Variants in CTDSPL observed in about 807,000 individuals in gnomAD.
The protein encoded by CTDSPL is CTD small phosphatase-like protein.
CTDSPL carries 8 observed loss-of-function variants against 30.5 expected under a neutral mutation model. The observed-to-expected ratio is 0.26, with a 90% CI of 0.15 to 0.47. The LOEUF is 0.47. CTDSPL is among the 20% of genes least tolerant of loss of function. CTDSPL has a pLI of 0.99. For missense variants in CTDSPL, 248 were observed against 366.1 expected (o/e 0.68, Z 2.63); for synonymous variants, 110 against 137.9 (o/e 0.80, Z 1.42).
intron 1 of CTDSPL, among the ~76,000 whole-genome samples, chr3:37,938,347 A>G (rs1048562790): frequency 6.7e-6 from 1 of 150,302 alleles, no homozygotes; most frequent in Non-Finnish European, 1.5e-5. Flanking sequence ...AATCTAAACC[A>G]GATCAGAATG....
At chr3:37,914,247 A>G (rs1658809659) in intron 1 of CTDSPL, among the ~76,000 whole-genome samples, 2 of 152,196 alleles carry the variant, frequency 1.3e-5, no homozygotes, top group Non-Finnish European at 2.9e-5. Flanking sequence ...TATATTTTCA[A>G]GCTATATATC....
At position 37,927,636 on chromosome 3, in the gene CTDSPL, ATGTGTG is replaced by A. The variant is rs71094932; in HGVS notation, c.80-19383_80-19378del. ...TTAATTGTGGTTAAAAGAAAAATATATGTGTGTGTGTGTGTGTGTGTGTGTGTGTGT... is the reference window on the plus strand; with the variant it reads ...TTAATTGTGGTTAAAAGAAAAATATATGTGTGTGTGTGTGTGTGTGTGTGT... On this transcript the variant is annotated intron_variant, in intron 1 of 7. Transcript: ENST00000273179. Among the ~76,000 whole-genome samples, 740 of 115,752 alleles carry A rather than the reference ATGTGTG, an allele frequency of 6.4e-3. 2 individuals are homozygous for A. The highest frequency in any genetic ancestry group is 0.012 in the East Asian group (54 of 4,338). The allele number at this position is 115,752 out of a possible 152,430, so 75.9% of individuals were successfully genotyped here.
At chr3:37,966,143 T>C (rs957811758) in intron 4 of CTDSPL, among the ~76,000 whole-genome samples, 2 of 152,208 alleles carry the variant, frequency 1.3e-5, no homozygotes, top group African/African-American at 4.8e-5. Flanking sequence ...GATTCCTGGC[T>C]CCAAAGGCAA....
Position 37,983,871 on chromosome 3 carries a change from G to A in CTDSPL, c.*3004G>A, listed in dbSNP as rs1021845252. ...TTGATGGTGAGGAAGCTCCTTTGAC[G>A]TGGTGCAATTTTGATGAGATGTCTC... On this transcript the variant is annotated 3_prime_UTR_variant, in exon 8 of 8. Transcript: ENST00000273179. The A allele has an allele frequency of 5.1e-5, 9 of 175,316 alleles. No homozygotes were observed. The highest frequency in any genetic ancestry group is 2.6e-4 in the South Asian group (2 of 7,558). The allele number at this position is 175,316 out of a possible 1,614,324, so 10.9% of individuals were successfully genotyped here.
At chr3:37,880,053 AG>A (rs1423296957) in intron 1 of CTDSPL, among the ~76,000 whole-genome samples, 1 of 150,536 alleles carries the variant, frequency 6.6e-6, no homozygotes, top group East Asian at 1.9e-4. Flanking sequence ...CTTTAAGAAA[AG>A]GATATATGCA....
intron 4 of CTDSPL, among the ~76,000 whole-genome samples, chr3:37,966,847 C>G (rs149755304): frequency 1.2e-4 from 18 of 152,286 alleles, no homozygotes; most frequent in African/African-American, 4.1e-4. Context: ...CAGAGGCCAC[C>G]ACACACACCT....
At chr3:37,914,700 CAT>C (rs1170734944) in intron 1 of CTDSPL, among the ~76,000 whole-genome samples, 1 of 152,064 alleles carries the variant, frequency 6.6e-6, no homozygotes, top group Non-Finnish European at 1.5e-5. Context: ...TTAGTTCCCT[CAT>C]ATTTTATTCG....
chr3:37,912,624 A>C (rs986205078), intron 1 of CTDSPL, among the ~76,000 whole-genome samples: 1 of 152,232 alleles, frequency 6.6e-6, no homozygotes, highest in Non-Finnish European at 1.5e-5. Flanking sequence ...GCAAAAATGC[A>C]CTGGAATCCA....
chr3:37,927,635 T>C (rs904772742), intron 1 of CTDSPL, among the ~76,000 whole-genome samples: 7 of 76,690 alleles, frequency 9.1e-5, no homozygotes, highest in African/African-American at 4.5e-4. Context: ...AAGAAAAATA[T>C]ATGTGTGTGT....
At chr3:37,916,881 G>T (rs1407738017) in intron 1 of CTDSPL, among the ~76,000 whole-genome samples, 1 of 152,166 alleles carries the variant, frequency 6.6e-6, no homozygotes, top group Admixed American at 6.5e-5. Flanking sequence ...TGGGATCAGA[G>T]AAACTGAGGC....
intron 2 of CTDSPL, among the ~76,000 whole-genome samples, chr3:37,948,085 A>C (rs1310078753): frequency 6.6e-6 from 1 of 152,076 alleles, no homozygotes; most frequent in African/African-American, 2.4e-5. Flanking sequence ...GGAGTTAGAG[A>C]CCAGCCTGGC....
intron 1 of CTDSPL, among the ~76,000 whole-genome samples, chr3:37,914,559 A>G (rs1698621899): frequency 6.6e-6 from 1 of 152,186 alleles, no homozygotes; most frequent in Non-Finnish European, 1.5e-5. Context: ...AATGTTATCA[A>G]ATTATTTTTC....
chr3:37,913,786 T>C (rs1698611104), intron 1 of CTDSPL, among the ~76,000 whole-genome samples: 2 of 152,230 alleles, frequency 1.3e-5, no homozygotes, highest in Admixed American at 1.3e-4. Context: ...AACATATATG[T>C]GCCTGAGTTT....
intron 1 of CTDSPL, among the ~76,000 whole-genome samples, chr3:37,867,388 G>T (rs9874120): frequency 0.26 from 40,126 of 151,988 alleles, 6,259 homozygotes; most frequent in African/African-American, 0.42. Flanking sequence ...GTTTCTAGAT[G>T]TTGAGTATTA....
At chr3:37,930,477 T>G (rs921004677) in intron 1 of CTDSPL, among the ~76,000 whole-genome samples, 1 of 152,162 alleles carries the variant, frequency 6.6e-6, no homozygotes, top group African/African-American at 2.4e-5. Context: ...TTACTACTAC[T>G]ACTACTATTA....
At chr3:37,967,991 T>C (rs1699318651) in intron 5 of CTDSPL, 109 bp downstream of exon 5, 1 of 748,014 alleles carries the variant, frequency 1.3e-6, no homozygotes, top group Non-Finnish European at 2.2e-6. Context: ...TATTACGGAA[T>C]CAAAAGGAAG....
In CTDSPL at chr3:37,958,991, C is replaced by T. The variant is rs548820872; in HGVS notation, c.267+1848C>T. Among the ~76,000 whole-genome samples the T allele has an allele frequency of 4.6e-5, 7 of 152,310 alleles. No homozygotes were observed. The South Asian group carries it at 6.2e-4, about 14-fold the overall frequency. Reference sequence around the variant, plus strand: ...AAAAGGCGCCAGGTTGCATAAGCAGCGTGGTTCTGGCCTTTCTGGACCTCA... The same window carrying T: ...AAAAGGCGCCAGGTTGCATAAGCAGTGTGGTTCTGGCCTTTCTGGACCTCA... On this transcript the variant is annotated intron_variant, in intron 3 of 7. Transcript: ENST00000273179.
At chr3:37,953,667 C>T (rs181772150) in intron 2 of CTDSPL, among the ~76,000 whole-genome samples, 1 of 152,270 alleles carries the variant, frequency 6.6e-6, no homozygotes, top group East Asian at 1.9e-4. Flanking sequence ...AAGCATTAAA[C>T]AGGATAATTA....
intron 1 of CTDSPL, among the ~76,000 whole-genome samples, chr3:37,883,469 C>T (rs1698230775): frequency 6.6e-6 from 1 of 152,218 alleles, no homozygotes; most frequent in Admixed American, 6.5e-5. Flanking sequence ...TGGCATTTTT[C>T]TCAGTTATGA....
Sources: allele counts gnomAD v4.1 joint callset (sites outside exome capture counted in the v4.1 genomes callset), GRCh38; gene constraint gnomAD v4.1.1; transcripts MANE v1.5; gene names NCBI Gene and HGNC (gene_info 2026-07-23, HGNC 2026-07-21).